The following ASCC3 variants were observed in gnomAD, a reference collection of about 807,000 sequenced individuals.
ASCC3 encodes the protein ASC-1 complex subunit P200.
In ASCC3, 158 loss-of-function variants were observed where a neutral mutation model predicts 256.3. The ratio of observed to expected loss-of-function variants is 0.62; its 90% CI spans 0.54 to 0.70. The LOEUF is 0.70. Ranked by LOEUF, ASCC3 falls within the 30% of genes least tolerant of loss-of-function variation. The probability of loss-of-function intolerance (pLI) is 0.00; values close to 1 mark genes in which losing one functional copy is unlikely to be tolerated. For missense variants in ASCC3, 2,259 were observed against 2,626.0 expected, an observed-to-expected ratio of 0.86 and a Z score of 3.05; for synonymous variants, 948 against 883.4, an observed-to-expected ratio of 1.07 and a Z score of -1.30.
At chr6:100,638,557 A>AAT (rs775616989) in intron 25 of ASCC3, 44 bp downstream of exon 25, 127 of 1,471,790 alleles carry the variant, frequency 8.6e-5, no homozygotes, top group Non-Finnish European at 1.1e-4. Context: ...GAGATTATGA[A>AAT]CTGTCTTTTC....
chr6:100,620,340 G>A (rs1315644880), intron 30 of ASCC3, among the ~76,000 whole-genome samples: 1 of 152,146 alleles, frequency 6.6e-6, no homozygotes, highest in Non-Finnish European at 1.5e-5. Context: ...TGACAATATG[G>A]AAAGGTATTT....
At chr6:100,658,201 T>C (rs1164482830) in intron 16 of ASCC3, among the ~76,000 whole-genome samples, 4 of 151,556 alleles carry the variant, frequency 2.6e-5, no homozygotes, top group African/African-American at 9.7e-5. Context: ...AAGAAAAACA[T>C]CTAACATGAC....
chr6:100,605,184 G>A (rs1257546443), intron 33 of ASCC3, among the ~76,000 whole-genome samples: 1 of 152,064 alleles, frequency 6.6e-6, no homozygotes, highest in Non-Finnish European at 1.5e-5. Context: ...TAAGCACTAT[G>A]TATTTGATTA....
chr6:100,840,391 G>C (rs1233617753), intron 4 of ASCC3, among the ~76,000 whole-genome samples: 2 of 151,718 alleles, frequency 1.3e-5, no homozygotes, highest in African/African-American at 2.4e-5. Flanking sequence ...GCAGTGGCAT[G>C]GTCATGACTC....
At chr6:100,858,137 AAAT>A in intron 3 of ASCC3, 1 of 410,482 alleles carries the variant, frequency 2.4e-6, no homozygotes, top group Non-Finnish European at 3.3e-6. Flanking sequence ...AAATAAATTA[AAAT>A]TTTAAAATTT....
intron 13 of ASCC3, among the ~76,000 whole-genome samples, chr6:100,685,238 T>A (rs1032146013): frequency 3.9e-5 from 6 of 152,242 alleles, no homozygotes. Flanking sequence ...TTTTACATTA[T>A]GTGGCACATA....
At chr6:100,694,321 A>G (rs969871918) in intron 13 of ASCC3, among the ~76,000 whole-genome samples, 6 of 151,608 alleles carry the variant, frequency 4.0e-5, no homozygotes, top group African/African-American at 1.5e-4. Context: ...TAAAAAAAAA[A>G]AAAAAGCTGG....
In ASCC3 at chr6:100,629,044, A is replaced by G; in HGVS notation, c.4346T>C (p.Ile1449Thr). 1 of 1,613,734 alleles carries G rather than the reference A, an allele frequency of 6.2e-7. No homozygotes were observed. Among genetic ancestry groups the G allele is most frequent in the Non-Finnish European group, 8.5e-7 (1 of 1,179,838 alleles). ...CAGATGGATCTCATCTATGATGAGA[A>G]TAGTGACTTGCTGAACATAGTTCCT... ...QNRNYVQQVT[I>T]LIIDEIHLLG... is the part of the protein sequence containing the mutation. Residue 1449 changes from isoleucine to threonine, a missense_variant, in exon 27 of 42, where the codon ATT (isoleucine) becomes ACT (threonine). By Grantham distance (89) the Ile-to-Thr change is moderately conservative. Around this residue, in one of 2 missense-constraint regions of ASCC3, gnomAD observed 1,839 missense variants for 2,206.7 expected, o/e 0.83. Transcript: ENST00000369162.
chr6:100,796,921 C>T (rs764824724), intron 8 of ASCC3, among the ~76,000 whole-genome samples: 1 of 152,096 alleles, frequency 6.6e-6, no homozygotes, highest in East Asian at 1.9e-4. Context: ...AATAATGATG[C>T]CCCCCAAAAA....
At chr6:100,602,930 T>A (rs79964786) in intron 33 of ASCC3, among the ~76,000 whole-genome samples, 4,602 of 152,150 alleles carry the variant, frequency 0.03, 77 homozygotes, top group African/African-American at 0.055. Context: ...GTTGAATTTT[T>A]AAAAAAGTTG....
At chr6:100,540,557 T>C (rs1323067518) in intron 36 of ASCC3, among the ~76,000 whole-genome samples, 170 bp from the exon 37 acceptor site, 1 of 152,204 alleles carries the variant, frequency 6.6e-6, no homozygotes, top group African/African-American at 2.4e-5. Context: ...GTATTAATGA[T>C]AGTGAATAAC....
intron 14 of ASCC3, among the ~76,000 whole-genome samples, chr6:100,667,876 G>C (rs1232028298): frequency 6.6e-6 from 1 of 151,974 alleles, no homozygotes; most frequent in Non-Finnish European, 1.5e-5. Flanking sequence ...AGATTTCTGA[G>C]AAGGAGAGAA....
intron 10 of ASCC3, among the ~76,000 whole-genome samples, chr6:100,765,599 A>G (rs1186042130): frequency 6.6e-6 from 1 of 152,164 alleles, no homozygotes; most frequent in African/African-American, 2.4e-5. Flanking sequence ...TATATCTTAC[A>G]TGTATTGATA....
At chr6:100,669,724 A>ACAC (rs1776648341) in intron 14 of ASCC3, among the ~76,000 whole-genome samples, 1 of 151,904 alleles carries the variant, frequency 6.6e-6, no homozygotes, top group African/African-American at 2.4e-5. Flanking sequence ...GATAAAAAAG[A>ACAC]AGAAACAATA....
At chr6:100,654,303 CA>C (rs34148231) in intron 17 of ASCC3, among the ~76,000 whole-genome samples, 2,635 of 106,884 alleles carry the variant, frequency 0.025, 21 homozygotes, top group East Asian at 0.066. Flanking sequence ...ACACACAAAT[CA>C]AAAAAAAAAA....
chr6:100,706,417 T>G (rs1280688833), intron 13 of ASCC3, among the ~76,000 whole-genome samples: 1 of 150,974 alleles, frequency 6.6e-6, no homozygotes, highest in African/African-American at 2.4e-5. Flanking sequence ...GACAGAACAC[T>G]ACAGCTTAGT....
At position 100,848,478 on chromosome 6, in the gene ASCC3, A is replaced by G; in HGVS notation, c.471T>C (p.His157=). ...TALVQMTEKE[H]GDRVFFGKNL... ...TTTTACCAAAAAAAACCCTATCGCC[A>G]TGTTCTTTTTCTGTCATCTGCACAA... Residue 157 remains histidine, a synonymous_variant, in exon 4 of 42, where the codon CAT becomes CAC. Coordinates refer to ENST00000369162, the MANE Select transcript of ASCC3 (RefSeq NM_006828.4). 6.2e-7 allele frequency: 1 copy of G among 1,613,244 alleles called. No homozygotes were observed. The highest frequency in any genetic ancestry group is 8.5e-7 in the Non-Finnish European group (1 of 1,179,486).
chr6:100,776,737 A>G (rs1017721680), intron 8 of ASCC3, among the ~76,000 whole-genome samples: 1 of 152,074 alleles, frequency 6.6e-6, no homozygotes, highest in Non-Finnish European at 1.5e-5. Flanking sequence ...ATAATCATAT[A>G]TATTTATTTT....
At chr6:100,559,390 C>A (rs985101953) in intron 36 of ASCC3, among the ~76,000 whole-genome samples, 1 of 152,028 alleles carries the variant, frequency 6.6e-6, no homozygotes, top group African/African-American at 2.4e-5. Context: ...AAAAAACCCA[C>A]AAAAGAAAAA....
Sources: gnomAD v4.1 joint callset for allele counts (sites outside exome capture counted in the v4.1 genomes callset) on GRCh38, gnomAD v4.1.1 for gene constraint, gnomAD v4.1.1 regional missense constraint, MANE v1.5 for transcripts, NCBI Gene and HGNC (gene_info 2026-07-23, HGNC 2026-07-21) for gene names.